Variants in CLEC3A observed in about 807,000 individuals in gnomAD.
The protein encoded by CLEC3A is C-type (calcium dependent, carbohydrate-recognition domain) lectin, superfamily member 1 (cartilage-derived).
In CLEC3A, 28 loss-of-function variants were observed where a neutral mutation model predicts 20.4. That is an observed-to-expected ratio of 1.37 (90% CI 1.02 to 1.88). The LOEUF is 1.88. Among genes scored for constraint, CLEC3A ranks in the 40% most tolerant of loss-of-function variants. CLEC3A has a pLI of 0.00. For missense variants in CLEC3A, 357 were observed against 240.4 expected (o/e 1.48, Z -3.21); for synonymous variants, 110 against 88.1 (o/e 1.25, Z -1.39).
chr16:78,027,822 A>G (rs1466305096), intron 1 of CLEC3A, among the ~76,000 whole-genome samples: 1 of 152,074 alleles, frequency 6.6e-6, no homozygotes, highest in East Asian at 1.9e-4. Flanking sequence ...TGCCCAGCTA[A>G]TTTTTATACT....
rs746915153 is a variant in CLEC3A at position 78,030,754 on chromosome 16, G to C, written c.507G>C (p.Leu169=). 5.6e-6 allele frequency: 9 copies of C among 1,613,972 alleles called. No individual in the cohort carries two copies. The Admixed American group carries it at 1.0e-4, about 18-fold the overall frequency. The stretch of plus-strand genomic sequence containing the variant: ...GTGGCAAGCGAGAAAACTGTGTCCT[G>C]TTCTCCCAATCAGCTCAGGGCAAGT... The part of the protein sequence containing the change: ...PNGGKRENCV[L]FSQSAQGKWS... The change falls in exon 3 of 3, where the codon CTG becomes CTC. Residue 169 remains leucine (L), a synonymous_variant. Transcript: ENST00000299642.
In CLEC3A at chr16:78,030,828, C is replaced by G. The variant is rs2030079372; in HGVS notation, c.581C>G (p.Thr194Ser). The stretch of plus-strand genomic sequence containing the variant: ...AGCAAGAGATACATATGCGAGTTCA[C>G]CATCCCTCAATAGGTCTTTCTCCAA... ...RSSKRYICEF[T>S]IPQ The change falls in exon 3 of 3, where the codon ACC becomes AGC. Residue 194 changes from threonine (T) to serine (S), a missense_variant. Physicochemically the swap from Thr to Ser is moderately conservative, Grantham distance 58. Transcript: ENST00000299642. 6.2e-7 allele frequency: 1 copy of G among 1,612,200 alleles called. No homozygotes were observed. Among genetic ancestry groups the G allele is most frequent in the Non-Finnish European group, 8.5e-7 (1 of 1,178,982 alleles).
intron 1 of CLEC3A, among the ~76,000 whole-genome samples, chr16:78,024,719 A>G (rs2018791315): frequency 6.6e-6 from 1 of 152,188 alleles, no homozygotes; most frequent in African/African-American, 2.4e-5. Context: ...ACCAGTGTTA[A>G]AGAGATCAAA....
chr16:78,025,545 T>C (rs2029891133), intron 1 of CLEC3A, among the ~76,000 whole-genome samples: 1 of 152,240 alleles, frequency 6.6e-6, no homozygotes. Context: ...TTACTGGCCA[T>C]GTCTTCTGGG....
chr16:78,022,949 A>G (rs943165982), intron 1 of CLEC3A, among the ~76,000 whole-genome samples: 1 of 152,232 alleles, frequency 6.6e-6, no homozygotes, highest in African/African-American at 2.4e-5. Flanking sequence ...GGTTTTAAAA[A>G]AAAACAACAG....
intron 2 of CLEC3A, among the ~76,000 whole-genome samples, chr16:78,029,365 A>T (rs1182179060): frequency 2.0e-5 from 3 of 152,010 alleles, no homozygotes; most frequent in Non-Finnish European, 4.4e-5. Flanking sequence ...AATTTAATTG[A>T]TTGATTGATT....
At position 78,031,270 on chromosome 16, in the gene CLEC3A, C is replaced by A. The variant is rs1054424641; in HGVS notation, c.*429C>A. 1.3e-5 allele frequency: 2 copies of A among 157,448 alleles called. No homozygotes were observed. The highest frequency in any genetic ancestry group is 1.4e-5 in the Non-Finnish European group (1 of 71,672). 9.8% of individuals were successfully genotyped at this position (157,448 alleles called of 1,614,324 possible). ...TTCCCTACATCAGAGACTCTAGGTG[C>A]TATATAATCCAAAAACTTTTCAGCC... is the stretch of plus-strand genomic sequence containing the variant. On this transcript the variant is annotated 3_prime_UTR_variant, in exon 3 of 3. Coordinates refer to ENST00000299642, the MANE Select transcript of CLEC3A (RefSeq NM_005752.6).
intron 1 of CLEC3A, among the ~76,000 whole-genome samples, chr16:78,024,386 G>A (rs2018786217): frequency 1.3e-5 from 2 of 151,900 alleles, no homozygotes; most frequent in South Asian, 2.1e-4. Context: ...TTTTCCAGGG[G>A]CCTCCCTCCC....
At chr16:78,028,606 G>A (rs1195060133) in intron 2 of CLEC3A, among the ~76,000 whole-genome samples, 1 of 152,224 alleles carries the variant, frequency 6.6e-6, no homozygotes, top group Non-Finnish European at 1.5e-5. Context: ...CTTGCCAACA[G>A]GGCAGCGCCA....
At chr16:78,023,197 T>C (rs147028890) in intron 1 of CLEC3A, among the ~76,000 whole-genome samples, 8 of 152,330 alleles carry the variant, frequency 5.3e-5, no homozygotes, top group African/African-American at 1.9e-4. Flanking sequence ...GGATAGAGAT[T>C]TTGGTAATGG....
intron 2 of CLEC3A, 98 bp from the exon 3 acceptor site, chr16:78,030,349 C>G: frequency 1.8e-6 from 2 of 1,085,028 alleles, no homozygotes; most frequent in South Asian, 3.1e-5. Context: ...CATTATCATA[C>G]TTCATTCCAC....
In CLEC3A at chr16:78,030,910, G is replaced by C; in HGVS notation, c.*69G>C. The C allele has an allele frequency of 1.4e-6, 2 of 1,472,386 alleles. No homozygotes were observed. Among genetic ancestry groups the C allele is most frequent in the Non-Finnish European group, 1.8e-6 (2 of 1,100,054 alleles). The allele number at this position is 1,472,386 out of a possible 1,614,324, so 91.2% of individuals were successfully genotyped here. ...ATAGGTTCATGATCTCTAAGATCAAGTAAAAATCATAATTTTTACTTATTA... is the reference window on the plus strand; with the variant it reads ...ATAGGTTCATGATCTCTAAGATCAACTAAAAATCATAATTTTTACTTATTA... On this transcript the variant is annotated 3_prime_UTR_variant, in exon 3 of 3. Coordinates refer to ENST00000299642, the MANE Select transcript of CLEC3A (RefSeq NM_005752.6).
intron 1 of CLEC3A, among the ~76,000 whole-genome samples, chr16:78,026,767 T>C (rs868735273): frequency 2.0e-5 from 3 of 152,230 alleles, no homozygotes; most frequent in Admixed American, 1.3e-4. Context: ...CCAAGGCTTC[T>C]TGTTTTCTGC....
At chr16:78,023,459 T>C (rs1487130355) in intron 1 of CLEC3A, among the ~76,000 whole-genome samples, 1 of 152,112 alleles carries the variant, frequency 6.6e-6, no homozygotes, top group Admixed American at 6.5e-5. Context: ...AGAACAATGA[T>C]GATAGCGAGG....
intron 1 of CLEC3A, among the ~76,000 whole-genome samples, chr16:78,024,812 T>A (rs1254176943): frequency 1.3e-5 from 2 of 152,172 alleles, no homozygotes; most frequent in African/African-American, 4.8e-5. Flanking sequence ...CCCAGAAGTT[T>A]TGTGTTTTGT....
rs775517268 is a variant in CLEC3A at position 78,030,561 on chromosome 16, C to A, written c.314C>A (p.Pro105His). The stretch of plus-strand genomic sequence containing the variant: ...TCCAAAGGAGGAATCCTGGTTATCC[C>A]CAGGAACTCCGACGAAATCAACGCC... Reference protein sequence around the residue: ...CISKGGILVIPRNSDEINALQ... With the variant: ...CISKGGILVIHRNSDEINALQ... The change falls in exon 3 of 3, where the codon CCC becomes CAC. Residue 105 changes from proline (P) to histidine (H), a missense_variant. Pro to His is a moderately conservative substitution (Grantham distance 77, BLOSUM62 -2). Transcript: ENST00000299642. 1.9e-6 allele frequency: 3 copies of A among 1,613,996 alleles called. No homozygotes were observed. The African/African-American group carries it at 4.0e-5, about 22-fold the overall frequency.
intron 1 of CLEC3A, among the ~76,000 whole-genome samples, chr16:78,027,741 T>C (rs549740929): frequency 6.0e-4 from 92 of 152,312 alleles, no homozygotes; most frequent in Non-Finnish European, 9.1e-4. Flanking sequence ...CTGCAACCTC[T>C]GCCTCCCAAG....
At chr16:78,028,507 G>C (rs960484600) in intron 2 of CLEC3A, among the ~76,000 whole-genome samples, 1 of 152,228 alleles carries the variant, frequency 6.6e-6, no homozygotes, top group Non-Finnish European at 1.5e-5. Context: ...GCATTTATTG[G>C]ATGATAGCTA....
Position 78,031,673 on chromosome 16 carries a change from G to C in CLEC3A, c.*832G>C, listed in dbSNP as rs939365347. On this transcript the variant is annotated 3_prime_UTR_variant, in exon 3 of 3. Coordinates refer to ENST00000299642, the MANE Select transcript of CLEC3A (RefSeq NM_005752.6). ...TTACTCTCACCTTTTATGAGATTGA[G>C]AGTGGACTTACATTTCCTTTTTTAC... The C allele has an allele frequency of 6.6e-6, 1 of 152,190 alleles. No individual in the cohort carries two copies. The highest frequency in any genetic ancestry group is 6.5e-5 in the Admixed American group (1 of 15,276). 9.4% of individuals were successfully genotyped at this position (152,190 alleles called of 1,614,324 possible).
Sources: gnomAD v4.1 joint callset for allele counts (sites outside exome capture counted in the v4.1 genomes callset) on GRCh38, gnomAD v4.1.1 for gene constraint, MANE v1.5 for transcripts, NCBI Gene and HGNC (gene_info 2026-07-23, HGNC 2026-07-21) for gene names.